Variants in SETD7 observed in about 807,000 individuals in gnomAD.
The protein encoded by SETD7 is histone-lysine N-methyltransferase SETD7.
Under a neutral mutation model 41.8 loss-of-function variants are expected in SETD7, and 16 were observed. That is an observed-to-expected ratio of 0.38 (90% confidence interval 0.26 to 0.58). The LOEUF (loss-of-function observed/expected upper bound fraction) is 0.58, where lower values mean the gene tolerates loss of function less well. SETD7 is among the 20% of genes least tolerant of loss of function. The pLI is 0.64. For missense variants in SETD7, 346 were observed against 459.7 expected, an observed-to-expected ratio of 0.75 and a Z score of 2.26; for synonymous variants, 163 against 169.7, an observed-to-expected ratio of 0.96 and a Z score of 0.31.
intron 7 of SETD7, among the ~76,000 whole-genome samples, chr4:139,513,889 A>C (rs571649513): frequency 6.6e-6 from 1 of 152,384 alleles, no homozygotes; most frequent in African/African-American, 2.4e-5. Context: ...GTGTGAACAC[A>C]AAAGTGAACA....
intron 2 of SETD7, among the ~76,000 whole-genome samples, chr4:139,536,532 T>A (rs981243377): frequency 6.6e-6 from 1 of 151,946 alleles, no homozygotes; most frequent in Non-Finnish European, 1.5e-5. Context: ...GCCAACATGG[T>A]GAAACCCCAG....
chr4:139,541,858 A>T (rs1036432340), intron 2 of SETD7, among the ~76,000 whole-genome samples: 14 of 152,346 alleles, frequency 9.2e-5, no homozygotes, highest in African/African-American at 3.4e-4. Context: ...TGAACAGGTA[A>T]ACAATGTACA....
In SETD7 at chr4:139,508,974, G is replaced by C. The variant is rs1257277626; in HGVS notation, c.*2689C>G. The C allele has an allele frequency of 6.6e-6, 1 of 152,468 alleles. No homozygotes were observed. The highest frequency in any genetic ancestry group is 2.4e-5 in the African/African-American group (1 of 41,378). The allele number at this position is 152,468 out of a possible 1,614,324, so 9.4% of individuals were successfully genotyped here. On this transcript the variant is annotated 3_prime_UTR_variant, in exon 8 of 8. Coordinates refer to ENST00000274031, the MANE Select transcript of SETD7 (RefSeq NM_030648.4). ...GCCTTACATTTGGGAGTATGTGTGT[G>C]TGTGAGGGGAGGGGTGGGGAAGACA...
In SETD7 at chr4:139,555,488, A is replaced by G. The variant is rs564049462; in HGVS notation, c.40+610T>C. Among the ~76,000 whole-genome samples the G allele has an allele frequency of 6.6e-6, 1 of 152,168 alleles. No homozygotes were observed. The highest frequency in any genetic ancestry group is 2.4e-5 in the African/African-American group (1 of 41,540). ...CCGCCTCCCGGACGGCGCACGTTCG[A>G]GTCCCGGGTCGGGAGACTTGTCCGT... is the stretch of plus-strand genomic sequence containing the variant. On this transcript the variant is annotated intron_variant, in intron 1 of 7. Transcript: ENST00000274031. This position sits in a 1 kb window ranked among gnomAD's most constrained non-coding sequence, Gnocchi z 4.0.
At chr4:139,540,618 G>C (rs1427422069) in intron 2 of SETD7, among the ~76,000 whole-genome samples, 1 of 152,192 alleles carries the variant, frequency 6.6e-6, no homozygotes, top group Non-Finnish European at 1.5e-5. Flanking sequence ...CCACCTCCCA[G>C]ATTGTTATGA....
At chr4:139,545,346 C>G (rs1727908651) in intron 2 of SETD7, among the ~76,000 whole-genome samples, 1 of 152,116 alleles carries the variant, frequency 6.6e-6, no homozygotes, top group Non-Finnish European at 1.5e-5. Flanking sequence ...GGTCAGTTCT[C>G]AAATTCCCGG....
chr4:139,533,779 G>A (rs762167384), intron 2 of SETD7, among the ~76,000 whole-genome samples: 1 of 152,190 alleles, frequency 6.6e-6, no homozygotes, highest in Non-Finnish European at 1.5e-5. Flanking sequence ...GGGTCTTTCA[G>A]ATGGCTTGTA....
chr4:139,524,851 C>G lies in SETD7; in HGVS notation c.563-1416G>C, dbSNP rs113281781. On this transcript the variant is annotated intron_variant, in intron 4 of 7. Coordinates refer to ENST00000274031, the MANE Select transcript of SETD7 (RefSeq NM_030648.4). The stretch of plus-strand genomic sequence containing the variant: ...TTTTTTCTTTTGAGACAGTCTTGCT[C>G]TGTCACTCAGGCTGGAGAGCAATGG... Among the ~76,000 whole-genome samples, 751 of 152,252 alleles carry G rather than the reference C, an allele frequency of 4.9e-3. 11 individuals are homozygous for G. The highest frequency in any genetic ancestry group is 0.017 in the African/African-American group (719 of 41,536).
chr4:139,523,505 T>C, intron 4 of SETD7, 70 bp from the exon 5 acceptor site: 3 of 1,117,708 alleles, frequency 2.7e-6, no homozygotes, highest in East Asian at 2.4e-5. Flanking sequence ...CTTCTCTCTA[T>C]TCATGGGACA....
At chr4:139,511,891 T>G in intron 7 of SETD7, 48 bp from the exon 8 acceptor site, 4 of 1,570,782 alleles carry the variant, frequency 2.5e-6, no homozygotes, top group Non-Finnish European at 3.4e-6. Flanking sequence ...ACCAGGAGGT[T>G]GGAAGCAAAG....
In SETD7 at chr4:139,511,098, G is replaced by C. The variant is rs530852888; in HGVS notation, c.*565C>G. 1 of 154,302 alleles carries C rather than the reference G, an allele frequency of 6.5e-6. No homozygotes were observed. The highest frequency in any genetic ancestry group is 6.5e-5 in the Admixed American group (1 of 15,306). 9.6% of individuals were successfully genotyped at this position (154,302 alleles called of 1,614,324 possible). A position where few individuals can be genotyped will look rare whatever the true frequency, so the allele number is the denominator to read the frequency against. On this transcript the variant is annotated 3_prime_UTR_variant, in exon 8 of 8. Coordinates refer to ENST00000274031, the MANE Select transcript of SETD7 (RefSeq NM_030648.4). ...AAGGGTATCTAAGAAAGAGAATAGG[G>C]CTGAGGGGTGAAATGACTTTAGAAG...
At chr4:139,529,258 TAG>T in intron 3 of SETD7, 38 bp from the exon 4 acceptor site, 2 of 1,542,060 alleles carry the variant, frequency 1.3e-6, no homozygotes, top group Non-Finnish European at 1.8e-6. Context: ...ATATTATATA[TAG>T]TATGTCTAGG....
At chr4:139,549,841 G>A (rs1279364930) in intron 1 of SETD7, among the ~76,000 whole-genome samples, 3 of 151,922 alleles carry the variant, frequency 2.0e-5, no homozygotes, top group Admixed American at 1.3e-4. Context: ...GCAATGGTGC[G>A]ATCTTGGCTC....
intron 7 of SETD7, among the ~76,000 whole-genome samples, chr4:139,500,167 G>T (rs965767207): frequency 2.0e-5 from 3 of 151,962 alleles, no homozygotes; most frequent in African/African-American, 7.3e-5. Context: ...TGATCTGTTG[G>T]CCTCACCATT....
At chr4:139,513,384 C>A (rs1227498973) in intron 7 of SETD7, among the ~76,000 whole-genome samples, 1 of 148,220 alleles carries the variant, frequency 6.7e-6, no homozygotes, top group Non-Finnish European at 1.5e-5. Context: ...TGCTCCACTG[C>A]ACTCCAGCCT....
chr4:139,542,083 T>C (rs1727794748), intron 2 of SETD7, among the ~76,000 whole-genome samples: 1 of 152,234 alleles, frequency 6.6e-6, no homozygotes, highest in African/African-American at 2.4e-5. Context: ...TCCTGTCATT[T>C]GTGACAATAT....
At chr4:139,546,723 G>A in intron 2 of SETD7, 197 bp downstream of exon 2, 1 of 684,994 alleles carries the variant, frequency 1.5e-6, no homozygotes, top group East Asian at 3.0e-5. Flanking sequence ...GATGACAAGA[G>A]CTAAGCCTTA....
At chr4:139,544,583 T>C (rs1727883368) in intron 2 of SETD7, among the ~76,000 whole-genome samples, 1 of 152,114 alleles carries the variant, frequency 6.6e-6, no homozygotes, top group African/African-American at 2.4e-5. Flanking sequence ...CACTTTGCTA[T>C]CTTACCCTAG....
intron 2 of SETD7, among the ~76,000 whole-genome samples, chr4:139,544,826 G>GTGTGTGTGTC (rs1327743520): frequency 6.7e-6 from 1 of 150,234 alleles, no homozygotes; most frequent in East Asian, 1.9e-4. Context: ...GTGTGTGTGT[G>GTGTGTGTGTC]TGTTTGTGTG....
Sources: allele counts gnomAD v4.1 joint callset (sites outside exome capture counted in the v4.1 genomes callset), GRCh38; gene constraint gnomAD v4.1.1; non-coding constraint Gnocchi (gnomAD v3.1); transcripts MANE v1.5; gene names NCBI Gene and HGNC (gene_info 2026-07-23, HGNC 2026-07-21).